Variants in LRBA observed in about 807,000 individuals in gnomAD.
LRBA encodes the protein lipopolysaccharide-responsive and beige-like anchor protein.
Under a neutral mutation model 330.0 loss-of-function variants are expected in LRBA, and 176 were observed. The ratio of observed to expected loss-of-function variants is 0.53; its 90% CI spans 0.47 to 0.60. The LOEUF is 0.60. Among genes scored for constraint, LRBA ranks in the 20% least tolerant of loss-of-function variants. LRBA has a pLI of 0.00. For missense variants in LRBA, 3,259 were observed against 3,444.8 expected (o/e 0.95, Z 1.35); for synonymous variants, 1,230 against 1,193.0 (o/e 1.03, Z -0.64).
At chr4:150,917,158 A>T (rs752358899) in intron 5 of LRBA, among the ~76,000 whole-genome samples, 311 of 147,444 alleles carry the variant, frequency 2.1e-3, no homozygotes, top group Non-Finnish European at 3.3e-3. Flanking sequence ...ATCTCAAAAA[A>T]AAAAATATAT....
chr4:150,704,402 TTTC>T (rs1271635563), intron 36 of LRBA, among the ~76,000 whole-genome samples: 2 of 151,828 alleles, frequency 1.3e-5, no homozygotes, highest in Non-Finnish European at 2.9e-5. Context: ...CTGTTATATT[TTTC>T]TTCTTTTCTT....
intron 55 of LRBA, among the ~76,000 whole-genome samples, chr4:150,280,122 A>G (rs1747319765): frequency 6.6e-6 from 1 of 152,166 alleles, no homozygotes. Context: ...AGGTGAAAAA[A>G]GATTTCGCTG....
At chr4:150,438,557 C>T (rs982524145) in intron 44 of LRBA, among the ~76,000 whole-genome samples, 1 of 152,042 alleles carries the variant, frequency 6.6e-6, no homozygotes, top group African/African-American at 2.4e-5. Flanking sequence ...TGCCTTATAT[C>T]ATTTATGAAC....
At chr4:150,818,532 C>CTCTGTGTGTGTG (rs200552031) in intron 30 of LRBA, among the ~76,000 whole-genome samples, 2 of 145,802 alleles carry the variant, frequency 1.4e-5, no homozygotes. Context: ...TGACGAATGT[C>CTCTGTGTGTGTG]TGTGTGTGTG....
In LRBA at chr4:150,928,897, T is replaced by G; in HGVS notation, c.385A>C (p.Thr129Pro). ...KKSIRNLQVC[T>P]EVGLVEKVLG... ...ACTTTTTCAACAAGGCCTACTTCAG[T>G]GCAGACTTGAAGATTCCGTATGCTT... The change falls in exon 3 of 57, where the codon ACT becomes CCT. Residue 129 changes from threonine (T) to proline (P), a missense_variant. By Grantham distance (38) the Thr-to-Pro change is conservative. Transcript: ENST00000651943. 6.2e-7 allele frequency: 1 copy of G among 1,614,142 alleles called. No homozygotes were observed. Among genetic ancestry groups the G allele is most frequent in the Non-Finnish European group, 8.5e-7 (1 of 1,179,994 alleles).
At chr4:150,634,439 A>G (rs1349120032) in intron 37 of LRBA, among the ~76,000 whole-genome samples, 3 of 152,240 alleles carry the variant, frequency 2.0e-5, no homozygotes, top group East Asian at 1.9e-4. Flanking sequence ...TATTCAATCA[A>G]TAAGATAAAA....
At chr4:150,563,217 T>C (rs139803623) in intron 40 of LRBA, among the ~76,000 whole-genome samples, 7 of 152,270 alleles carry the variant, frequency 4.6e-5, no homozygotes, top group African/African-American at 1.7e-4. Flanking sequence ...TGAAATATTA[T>C]AGTGTTAGAC....
In LRBA at chr4:150,768,132, T is replaced by C. The variant is rs532107125; in HGVS notation, c.5581-6285A>G. On this transcript the variant is annotated intron_variant, in intron 34 of 56. Transcript: ENST00000651943. ...ATAATGAGTGACTTCAGGTTAAACA[T>C]AGTAAATCTGAGAATAAAGAGGGGG... 1.6e-4 allele frequency among the ~76,000 whole-genome samples: 24 copies of C among 147,226 alleles called. No homozygotes were observed. In the East Asian group the frequency reaches 1.8e-3, roughly 11 times the overall value.
chr4:150,896,295 G>T, intron 16 of LRBA, 99 bp downstream of exon 16: 1 of 634,124 alleles, frequency 1.6e-6, no homozygotes, highest in Non-Finnish European at 2.8e-6. Context: ...CCCCATTACA[G>T]TTACATAATT....
At chr4:150,706,771 G>T (rs1785667707) in intron 36 of LRBA, among the ~76,000 whole-genome samples, 1 of 151,500 alleles carries the variant, frequency 6.6e-6, no homozygotes, top group Admixed American at 6.6e-5. Flanking sequence ...ACAATCAATG[G>T]AACAGCTGCA....
chr4:150,318,657 T>A (rs1298529301), intron 50 of LRBA, among the ~76,000 whole-genome samples: 1 of 152,184 alleles, frequency 6.6e-6, no homozygotes, highest in Non-Finnish European at 1.5e-5. Flanking sequence ...CAGCTCAAAT[T>A]GGAGATCACA....
intron 40 of LRBA, among the ~76,000 whole-genome samples, chr4:150,567,367 A>G (rs2152278826): frequency 6.6e-6 from 1 of 152,210 alleles, no homozygotes; most frequent in East Asian, 1.9e-4. Context: ...TGTAAAGAAA[A>G]AGGTAGGTGA....
intron 28 of LRBA, among the ~76,000 whole-genome samples, chr4:150,843,483 G>T (rs1216488894): frequency 1.3e-5 from 2 of 151,940 alleles, no homozygotes; most frequent in African/African-American, 4.8e-5. Flanking sequence ...ATAAGAATTA[G>T]CAATGTTTTC....
intron 30 of LRBA, among the ~76,000 whole-genome samples, chr4:150,826,586 C>T (rs1746318577): frequency 1.3e-5 from 2 of 152,084 alleles, no homozygotes; most frequent in Admixed American, 1.3e-4. Context: ...GATACTTTGT[C>T]CCTAAAGTCA....
intron 2 of LRBA, among the ~76,000 whole-genome samples, chr4:150,983,416 C>G (rs1741076107): frequency 6.7e-6 from 1 of 150,266 alleles, no homozygotes; most frequent in Non-Finnish European, 1.5e-5. Context: ...GTTCATGCCA[C>G]TGCAAGCCAG....
chr4:150,758,844 G>A (rs540510474), intron 35 of LRBA, among the ~76,000 whole-genome samples: 96 of 151,678 alleles, frequency 6.3e-4, no homozygotes, highest in African/African-American at 2.3e-3. Context: ...CAAAGTGCTG[G>A]AATTACAGAC....
intron 9 of LRBA, among the ~76,000 whole-genome samples, chr4:150,909,493 A>G (rs1201490571): frequency 6.7e-6 from 1 of 149,536 alleles, no homozygotes; most frequent in Non-Finnish European, 1.5e-5. Context: ...CCGTGTGTTT[A>G]TGTGTGTTGT....
chr4:150,604,234 C>A (rs1405022492), intron 37 of LRBA, among the ~76,000 whole-genome samples: 6 of 151,580 alleles, frequency 4.0e-5, no homozygotes, highest in Admixed American at 3.3e-4. Flanking sequence ...CATAGCAAGA[C>A]CCTGGTTCAA....
intron 54 of LRBA, among the ~76,000 whole-genome samples, chr4:150,284,637 C>T (rs546906468): frequency 1.3e-5 from 2 of 152,226 alleles, no homozygotes; most frequent in Admixed American, 1.3e-4. Flanking sequence ...TGCAATCCTC[C>T]CATCTCACCT....
Sources: allele counts gnomAD v4.1 joint callset (sites outside exome capture counted in the v4.1 genomes callset), GRCh38; gene constraint gnomAD v4.1.1; transcripts MANE v1.5; gene names NCBI Gene and HGNC (gene_info 2026-07-23, HGNC 2026-07-21).